Variants in ADGRL3 observed in about 807,000 individuals in gnomAD.
ADGRL3 encodes the protein adhesion G protein-coupled receptor L3, also known as calcium-independent alpha-latrotoxin receptor 3.
Under a neutral mutation model 153.5 loss-of-function variants are expected in ADGRL3, and 62 were observed. The observed-to-expected ratio is 0.40, with a 90% confidence interval of 0.33 to 0.50. The LOEUF (loss-of-function observed/expected upper bound fraction) is 0.50. Among genes scored for constraint, ADGRL3 ranks in the 20% least tolerant of loss-of-function variants. The pLI, the probability that ADGRL3 is intolerant of heterozygous loss-of-function variation, is 0.47. For missense variants in ADGRL3, 1,641 were observed against 1,859.4 expected (o/e 0.88, Z 2.16); for synonymous variants, 710 against 672.5 (o/e 1.06, Z -0.86).
At chr4:61,360,334 A>T (rs2096263991) in intron 1 of ADGRL3, among the ~76,000 whole-genome samples, 1 of 152,152 alleles carries the variant, frequency 6.6e-6, no homozygotes, top group African/African-American at 2.4e-5. Context: ...ATTAGAAAAG[A>T]TGATATATGA....
At chr4:61,548,750 G>C (rs1330992287) in intron 4 of ADGRL3, among the ~76,000 whole-genome samples, 1 of 151,978 alleles carries the variant, frequency 6.6e-6, no homozygotes, top group African/African-American at 2.4e-5. Flanking sequence ...GATTGACTTG[G>C]CTATTTGGGC....
intron 1 of ADGRL3, among the ~76,000 whole-genome samples, chr4:61,243,624 C>G (rs1755854783): frequency 6.6e-6 from 1 of 151,806 alleles, no homozygotes; most frequent in Admixed American, 6.6e-5. Context: ...TAAATAAGGC[C>G]TTTTTGGTTC....
intron 19 of ADGRL3, among the ~76,000 whole-genome samples, chr4:61,989,203 C>G (rs1031932130): frequency 6.6e-6 from 1 of 151,990 alleles, no homozygotes; most frequent in Non-Finnish European, 1.5e-5. Flanking sequence ...ATGGTATATG[C>G]AAGTTATATG....
Position 62,029,720 on chromosome 4 carries a change from T to A in ADGRL3, c.3422+839T>A, listed in dbSNP as rs1434115737. 4.3e-5 allele frequency among the ~76,000 whole-genome samples: 6 copies of A among 139,002 alleles called. No individual in the cohort carries two copies. The East Asian group carries it at 6.2e-4, about 14-fold the overall frequency. The allele number at this position is 139,002 out of a possible 152,430, so 91.2% of individuals were successfully genotyped here. On this transcript the variant is annotated intron_variant, in intron 22 of 26. Coordinates refer to ENST00000683033, the MANE Select transcript of ADGRL3 (RefSeq NM_001387552.1). ...TCTTTTGTTGTTTTTTTTTTTTTTTTAGAAATCGGGGCTCATTGCAGTTTT... is the reference window on the plus strand; with the variant it reads ...TCTTTTGTTGTTTTTTTTTTTTTTTAAGAAATCGGGGCTCATTGCAGTTTT...
intron 8 of ADGRL3, among the ~76,000 whole-genome samples, chr4:61,810,199 C>T (rs1020080627): frequency 2.0e-5 from 3 of 152,088 alleles, no homozygotes; most frequent in Admixed American, 6.6e-5. Context: ...TTATGCCCCA[C>T]GTACCTTGAA....
At position 61,716,974 on chromosome 4, in the gene ADGRL3, G is replaced by A. The variant is rs149578961; in HGVS notation, c.584-13648G>A. On this transcript the variant is annotated intron_variant, in intron 6 of 26. Coordinates refer to ENST00000683033, the MANE Select transcript of ADGRL3 (RefSeq NM_001387552.1). ...TCTGTAAAATTAATAAGGCACAGAA[G>A]AGTCTAGAACTTGACCATGGTGTGA... Among the ~76,000 whole-genome samples the A allele has an allele frequency of 6.0e-3, 917 of 152,208 alleles. 8 individuals are homozygous for A. Among genetic ancestry groups the A allele is most frequent in the Non-Finnish European group, 9.2e-3 (624 of 68,000 alleles).
intron 1 of ADGRL3, among the ~76,000 whole-genome samples, chr4:61,235,476 G>A (rs1209658734): frequency 6.6e-6 from 1 of 152,150 alleles, no homozygotes; most frequent in Non-Finnish European, 1.5e-5. Flanking sequence ...AGACTAAAGT[G>A]TTGCTTACAG....
chr4:61,456,433 ATATATAGATATATCTATATC>A lies in ADGRL3; in HGVS notation c.-173-40681_-173-40662del, dbSNP rs1560664865. Among the ~76,000 whole-genome samples, 12 of 121,752 alleles carry A rather than the reference ATATATAGATATATCTATATC, an allele frequency of 9.9e-5. No individual in the cohort carries two copies. The East Asian group carries it at 2.3e-3, about 23-fold the overall frequency. The allele number at this position is 121,752 out of a possible 152,430, so 79.9% of individuals were successfully genotyped here. ...TATATATAGATATATCTATATCTAT[ATATATAGATATATCTATATC>A]TATATATATAGATATATCTATATCT... On this transcript the variant is annotated intron_variant, in intron 2 of 26. Transcript: ENST00000683033.
At chr4:61,224,792 A>G (rs1218351005) in intron 1 of ADGRL3, among the ~76,000 whole-genome samples, 3 of 152,216 alleles carry the variant, frequency 2.0e-5, no homozygotes, top group African/African-American at 7.2e-5. Flanking sequence ...GTGGACTCCA[A>G]GTGTCGGCAG....
intron 8 of ADGRL3, among the ~76,000 whole-genome samples, chr4:61,735,697 TA>T (rs2096499143): frequency 1.3e-5 from 2 of 152,184 alleles, no homozygotes; most frequent in Non-Finnish European, 1.5e-5. Context: ...AATAATAACT[TA>T]TTTTTTTAGG....
chr4:61,980,273 C>G (rs1215463016), intron 18 of ADGRL3, among the ~76,000 whole-genome samples: 1 of 147,494 alleles, frequency 6.8e-6, no homozygotes, highest in South Asian at 2.1e-4. Context: ...CTCTGTTTAT[C>G]CCCCCTTTCC....
chr4:61,857,913 G>C (rs17090555), intron 9 of ADGRL3, among the ~76,000 whole-genome samples: 1 of 151,882 alleles, frequency 6.6e-6, no homozygotes, highest in African/African-American at 2.4e-5. Context: ...ATTTGGGAGG[G>C]TTACATTAAG....
At chr4:61,971,164 A>T (rs1274066467) in intron 17 of ADGRL3, among the ~76,000 whole-genome samples, 1 of 151,108 alleles carries the variant, frequency 6.6e-6, no homozygotes, top group African/African-American at 2.4e-5. Flanking sequence ...TTATTTATTT[A>T]TTATTATTAT....
At chr4:61,524,355 A>G (rs767191651) in intron 4 of ADGRL3, among the ~76,000 whole-genome samples, 3 of 152,116 alleles carry the variant, frequency 2.0e-5, no homozygotes, top group Non-Finnish European at 4.4e-5. Flanking sequence ...CAGTACAGAA[A>G]TGCAGAAATT....
intron 5 of ADGRL3, among the ~76,000 whole-genome samples, chr4:61,595,742 T>C (rs550766088): frequency 5.9e-5 from 9 of 152,246 alleles, no homozygotes; most frequent in African/African-American, 1.9e-4. Context: ...ATTGCAGTCC[T>C]TGTGTCCCAA....
intron 8 of ADGRL3, among the ~76,000 whole-genome samples, chr4:61,759,247 G>C (rs982254435): frequency 6.6e-6 from 1 of 152,100 alleles, no homozygotes; most frequent in Admixed American, 6.6e-5. Flanking sequence ...AGTTCTCCTG[G>C]ATAATATCCT....
Position 61,682,354 on chromosome 4 carries a change from C to A in ADGRL3, c.583+5419C>A, listed in dbSNP as rs554986671. On this transcript the variant is annotated intron_variant, in intron 6 of 26. Coordinates refer to ENST00000683033, the MANE Select transcript of ADGRL3 (RefSeq NM_001387552.1). ...TTCTTTCTCTCCCTTACCACAGTTT[C>A]TTTCCCTCCAAATAATTTATCTCTC... is the stretch of plus-strand genomic sequence containing the variant. Among the ~76,000 whole-genome samples, 13 of 151,892 alleles carry A rather than the reference C, an allele frequency of 8.6e-5. No homozygotes were observed. In the South Asian group the frequency reaches 2.7e-3, roughly 32 times the overall value.
chr4:61,660,530 T>G (rs2150564366), intron 5 of ADGRL3, among the ~76,000 whole-genome samples: 1 of 152,260 alleles, frequency 6.6e-6, no homozygotes, highest in Non-Finnish European at 1.5e-5. Context: ...AAGCCAAAAA[T>G]ATTGTTTATG....
At chr4:61,553,327 A>G (rs1462978601) in intron 4 of ADGRL3, among the ~76,000 whole-genome samples, 1 of 152,218 alleles carries the variant, frequency 6.6e-6, no homozygotes, top group South Asian at 2.1e-4. Context: ...GAGATAAAAA[A>G]TAATCATAAT....
Sources: gnomAD v4.1 joint callset for allele counts (sites outside exome capture counted in the v4.1 genomes callset) on GRCh38, gnomAD v4.1.1 for gene constraint, MANE v1.5 for transcripts, NCBI Gene and HGNC (gene_info 2026-07-23, HGNC 2026-07-21) for gene names.